The following ANO4 variants were observed in gnomAD, a reference collection of about 807,000 sequenced individuals.
ANO4 encodes the protein anoctamin-4.
ANO4 carries 69 observed loss-of-function variants against 141.9 expected under a neutral mutation model. The ratio of observed to expected loss-of-function variants is 0.49; its 90% CI spans 0.40 to 0.59. The LOEUF is 0.59. Ranked by LOEUF, ANO4 falls within the 20% of genes least tolerant of loss-of-function variation. The pLI, the probability that ANO4 is intolerant of heterozygous loss-of-function variation, is 0.00. For synonymous variants in ANO4, 350 were observed against 394.3 expected (o/e 0.89, Z 1.33); for missense variants, 894 against 1,162.2 (o/e 0.77, Z 3.36).
chr12:100,748,959 CTTAAG>C, intron 3 of ANO4, among the ~76,000 whole-genome samples: 2 of 152,188 alleles, frequency 1.3e-5, no homozygotes, highest in Middle Eastern at 6.8e-3. Context: ...GGTTAACTTA[CTTAAG>C]TTAGGATATT....
intron 16 of ANO4, among the ~76,000 whole-genome samples, chr12:101,086,170 G>C (rs916559188): frequency 6.6e-6 from 1 of 150,764 alleles, no homozygotes; most frequent in African/African-American, 2.4e-5. Flanking sequence ...AAAGGAAATA[G>C]TCTTGGCAAT....
At chr12:100,930,469 A>G (rs1184260854) in intron 3 of ANO4, among the ~76,000 whole-genome samples, 2 of 152,000 alleles carry the variant, frequency 1.3e-5, no homozygotes. Flanking sequence ...TCTTGGCACC[A>G]TTGTCAAAAA....
chr12:101,036,457 T>G (rs1002633548), intron 9 of ANO4, among the ~76,000 whole-genome samples: 1 of 152,144 alleles, frequency 6.6e-6, no homozygotes, highest in Non-Finnish European at 1.5e-5. Flanking sequence ...AAGTGTCCCC[T>G]GATGGAAGAA....
At chr12:100,734,253 CTT>C (rs752191046) in intron 2 of ANO4, among the ~76,000 whole-genome samples, 1 of 152,190 alleles carries the variant, frequency 6.6e-6, no homozygotes, top group Non-Finnish European at 1.5e-5. Context: ...AAAGTCTACT[CTT>C]TGCTGTTTGG....
At chr12:100,756,174 G>A (rs774798226) in intron 3 of ANO4, among the ~76,000 whole-genome samples, 25 of 152,074 alleles carry the variant, frequency 1.6e-4, no homozygotes, top group Middle Eastern at 3.4e-3. Context: ...TGCTGGTGTC[G>A]AATTACAACA....
At chr12:100,976,575 A>G (rs552848920) in intron 7 of ANO4, among the ~76,000 whole-genome samples, 139 of 152,238 alleles carry the variant, frequency 9.1e-4, no homozygotes, top group African/African-American at 3.2e-3. Context: ...CTAGGCCTCA[A>G]CCCCAGAGTG....
intron 3 of ANO4, among the ~76,000 whole-genome samples, chr12:100,776,768 A>C (rs1308779258): frequency 6.6e-6 from 1 of 152,198 alleles, no homozygotes; most frequent in Non-Finnish European, 1.5e-5. Flanking sequence ...ACAAGAGGAA[A>C]AGTGAATACC....
At chr12:101,022,357 T>A (rs2046568562) in intron 9 of ANO4, among the ~76,000 whole-genome samples, 1 of 152,214 alleles carries the variant, frequency 6.6e-6, no homozygotes, top group South Asian at 2.1e-4. Flanking sequence ...TGGCAACTAT[T>A]TTTGGAGTCT....
chr12:101,029,796 G>A (rs967179590), intron 9 of ANO4, among the ~76,000 whole-genome samples: 7 of 151,430 alleles, frequency 4.6e-5, no homozygotes, highest in African/African-American at 1.7e-4. Flanking sequence ...TGTAATCCCA[G>A]CTACTCGGGA....
intron 1 of ANO4, among the ~76,000 whole-genome samples, chr12:100,807,589 G>A (rs1034685695): frequency 2.6e-5 from 4 of 152,120 alleles, no homozygotes; most frequent in African/African-American, 9.7e-5. Context: ...TTTAAGCTCA[G>A]GGGTACAAGT....
chr12:100,717,439 TCGCCGGGCCGGGC>T, upstream of ANO4: 1 of 392,662 alleles, frequency 2.5e-6, no homozygotes, highest in Non-Finnish European at 4.5e-6. Context: ...GCGCATGCAC[TCGCCGGGCCGGGC>T]CGTCCAGGGG....
intron 1 of ANO4, among the ~76,000 whole-genome samples, chr12:100,721,683 T>C (rs2030872526): frequency 6.6e-6 from 1 of 151,732 alleles, no homozygotes; most frequent in South Asian, 2.1e-4. Flanking sequence ...GAGTAAATTT[T>C]TGTTTGTTTG....
intron 14 of ANO4, among the ~76,000 whole-genome samples, chr12:101,075,716 A>AAG (rs3059507): frequency 0.73 from 103,793 of 142,556 alleles, 37,877 homozygotes; most frequent in East Asian, 0.89. Flanking sequence ...ATATAAAACA[A>AAG]ATATATATAT....
chr12:101,111,791 C>T, intron 24 of ANO4, 81 bp downstream of exon 24: 1 of 1,328,162 alleles, frequency 7.5e-7, no homozygotes, highest in Admixed American at 2.7e-5. Flanking sequence ...GAAGACTGCA[C>T]TGGAGAATAT....
At chr12:100,937,060 C>A (rs946939161) in intron 3 of ANO4, among the ~76,000 whole-genome samples, 1 of 152,132 alleles carries the variant, frequency 6.6e-6, no homozygotes, top group African/African-American at 2.4e-5. Context: ...TTACTTGAAA[C>A]CATGGAATCC....
chr12:100,816,166 A>G (rs2035730478), intron 1 of ANO4, among the ~76,000 whole-genome samples: 1 of 152,092 alleles, frequency 6.6e-6, no homozygotes, highest in African/African-American at 2.4e-5. Flanking sequence ...TTTATTTAAA[A>G]TGACTGTAGT....
intron 1 of ANO4, among the ~76,000 whole-genome samples, chr12:100,827,020 C>T (rs1016699146): frequency 6.6e-6 from 1 of 152,024 alleles, no homozygotes; most frequent in Non-Finnish European, 1.5e-5. Context: ...TTCTACTTCC[C>T]CAGGCCAACT....
chr12:100,930,918 T>A lies in ANO4; in HGVS notation c.161-8397T>A, dbSNP rs559976541. Among the ~76,000 whole-genome samples the A allele has an allele frequency of 1.2e-4, 18 of 152,256 alleles. No homozygotes were observed. In the South Asian group the frequency reaches 2.3e-3, roughly 19 times the overall value. On this transcript the variant is annotated intron_variant, in intron 3 of 27. Transcript: ENST00000392977. Reference sequence around the variant, plus strand: ...CTCAGTTGTCTCTTTGTCTGCTCCATGGCCCCTGAAACTCCTCAAAAGGGC... The same window carrying A: ...CTCAGTTGTCTCTTTGTCTGCTCCAAGGCCCCTGAAACTCCTCAAAAGGGC...
chr12:100,929,914 A>G (rs1326452726), intron 3 of ANO4, among the ~76,000 whole-genome samples: 2 of 151,946 alleles, frequency 1.3e-5, no homozygotes, highest in Non-Finnish European at 2.9e-5. Context: ...TTTTATTTGC[A>G]TTTCTCTGAT....
Sources: gnomAD v4.1 joint callset for allele counts (sites outside exome capture counted in the v4.1 genomes callset) on GRCh38, gnomAD v4.1.1 for gene constraint, MANE v1.5 for transcripts, NCBI Gene and HGNC (gene_info 2026-07-23, HGNC 2026-07-21) for gene names.